TRIM44: variants seen among roughly 807,000 people sequenced by gnomAD.
TRIM44 encodes the protein tripartite motif containing 44.
TRIM44 carries 13 observed loss-of-function variants against 37.4 expected under a neutral mutation model. That is an observed-to-expected ratio of 0.35 (90% confidence interval 0.23 to 0.55). The LOEUF (loss-of-function observed/expected upper bound fraction) is 0.55. Among genes scored for constraint, TRIM44 ranks in the 20% least tolerant of loss-of-function variants. The pLI, the probability that TRIM44 is intolerant of heterozygous loss-of-function variation, is 0.89. For missense variants in TRIM44, 426 were observed against 437.2 expected, an observed-to-expected ratio of 0.97 and a Z score of 0.23; for synonymous variants, 175 against 157.2, an observed-to-expected ratio of 1.11 and a Z score of -0.85.
chr11:35,671,646 G>A (rs1406406663), intron 1 of TRIM44, among the ~76,000 whole-genome samples: 1 of 152,180 alleles, frequency 6.6e-6, no homozygotes, highest in East Asian at 1.9e-4. Context: ...TTCAGAGTAG[G>A]CCAGAATGAG....
chr11:35,725,900 T>G (rs745779752), intron 2 of TRIM44, 24 bp from the exon 3 acceptor site: 261 of 1,609,834 alleles, frequency 1.6e-4, no homozygotes, highest in Non-Finnish European at 2.1e-4. Context: ...CAACTTATTC[T>G]TCTTATTTGT....
At chr11:35,680,820 G>C (rs1851513732) in intron 1 of TRIM44, among the ~76,000 whole-genome samples, 1 of 152,070 alleles carries the variant, frequency 6.6e-6, no homozygotes, top group Admixed American at 6.6e-5. Context: ...CAGGCTGATG[G>C]GTAAGAAATT....
At chr11:35,725,477 G>T (rs551051512) in intron 2 of TRIM44, among the ~76,000 whole-genome samples, 1 of 151,990 alleles carries the variant, frequency 6.6e-6, no homozygotes, top group Non-Finnish European at 1.5e-5. Flanking sequence ...GGGATTACAG[G>T]CACCCACCAC....
intron 2 of TRIM44, among the ~76,000 whole-genome samples, chr11:35,705,391 T>C (rs1851865547): frequency 3.3e-5 from 5 of 152,152 alleles, no homozygotes; most frequent in Admixed American, 2.0e-4. Flanking sequence ...GGAATTGAAC[T>C]CAGCTCTGCA....
intron 4 of TRIM44, among the ~76,000 whole-genome samples, chr11:35,742,676 TTA>T (rs1425233543): frequency 1.6e-5 from 2 of 121,642 alleles, no homozygotes; most frequent in African/African-American, 8.6e-5. Flanking sequence ...ATTAATTGTA[TTA>T]TATATAATTA....
intron 4 of TRIM44, among the ~76,000 whole-genome samples, chr11:35,771,343 T>G (rs1405767788): frequency 6.6e-6 from 1 of 152,204 alleles, no homozygotes; most frequent in South Asian, 2.1e-4. Context: ...TTTGGAACTT[T>G]GAACTTGAGA....
In TRIM44 at chr11:35,748,732, A is replaced by G. The variant is rs550535423; in HGVS notation, c.1007+13287A>G. Reference sequence around the variant, plus strand: ...CAAAATAAAATATCCCGAATGAACAATGTTGGAGAATATCCTTTTCTTTTG... The same window carrying G: ...CAAAATAAAATATCCCGAATGAACAGTGTTGGAGAATATCCTTTTCTTTTG... On this transcript the variant is annotated intron_variant, in intron 4 of 4. Coordinates refer to ENST00000299413, the MANE Select transcript of TRIM44 (RefSeq NM_017583.6). Among the ~76,000 whole-genome samples the G allele has an allele frequency of 6.6e-5, 10 of 152,346 alleles. No homozygotes were observed. In the South Asian group the frequency reaches 8.3e-4, roughly 13 times the overall value.
intron 4 of TRIM44, among the ~76,000 whole-genome samples, chr11:35,804,470 C>T (rs987814357): frequency 3.3e-5 from 5 of 152,142 alleles, no homozygotes; most frequent in South Asian, 4.1e-4. Context: ...GGTCCATGAA[C>T]GTTTAAACTA....
At chr11:35,695,820 A>G (rs925674213) in intron 2 of TRIM44, among the ~76,000 whole-genome samples, 3 of 152,154 alleles carry the variant, frequency 2.0e-5, no homozygotes, top group Admixed American at 2.0e-4. Context: ...TTAGAATTAT[A>G]GAGATCTCGT....
chr11:35,767,111 G>C (rs1294474346), intron 4 of TRIM44, among the ~76,000 whole-genome samples: 1 of 152,154 alleles, frequency 6.6e-6, no homozygotes, highest in African/African-American at 2.4e-5. Context: ...AATGAAAGAC[G>C]TAATGGAAAC....
chr11:35,701,342 T>C (rs965721670), intron 2 of TRIM44, among the ~76,000 whole-genome samples: 4 of 152,160 alleles, frequency 2.6e-5, no homozygotes, highest in Non-Finnish European at 5.9e-5. Context: ...GAATATCTGC[T>C]TGTAATTAAG....
chr11:35,716,585 T>C (rs1852041764), intron 2 of TRIM44, among the ~76,000 whole-genome samples: 1 of 152,224 alleles, frequency 6.6e-6, no homozygotes, highest in Non-Finnish European at 1.5e-5. Flanking sequence ...TATTGCCCAC[T>C]GTTTTTTGCA....
rs182801345 is a variant in TRIM44, at chr11:35,775,336, C to T, written c.1008-31022C>T. Among the ~76,000 whole-genome samples, 222 of 152,278 alleles carry T rather than the reference C, an allele frequency of 1.5e-3. 1 individual carries two copies. The highest frequency in any genetic ancestry group is 3.4e-3 in the Middle Eastern group (1 of 294). On this transcript the variant is annotated intron_variant, in intron 4 of 4. Transcript: ENST00000299413. ...ATTGATTTTGTATCCTGAGACTTTG[C>T]TGAAGTTGCTTATCAGCTTAAGGAG...
At chr11:35,752,557 T>C (rs1852572073) in intron 4 of TRIM44, among the ~76,000 whole-genome samples, 1 of 151,534 alleles carries the variant, frequency 6.6e-6, no homozygotes, top group African/African-American at 2.4e-5. Context: ...CCCAAATATC[T>C]CTCGAGTCAG....
chr11:35,694,591 C>T (rs557090592), intron 2 of TRIM44, among the ~76,000 whole-genome samples: 129 of 151,978 alleles, frequency 8.5e-4, no homozygotes, highest in Non-Finnish European at 1.6e-3. Flanking sequence ...AAAAAATATT[C>T]AAAGATAAGA....
At chr11:35,688,503 A>G (rs1221101941) in intron 2 of TRIM44, among the ~76,000 whole-genome samples, 2 of 152,150 alleles carry the variant, frequency 1.3e-5, no homozygotes, top group Non-Finnish European at 2.9e-5. Flanking sequence ...CCTTCTAGAC[A>G]TTTTTCTATG....
Position 35,815,329 on chromosome 11 carries a change from T to A in TRIM44, c.*8944T>A, listed in dbSNP as rs1022055219. ...ACATTATGAGACCTTTTAGACCCAG[T>A]TGGATGGCTGTATCCTAGTATGAAA... On this transcript the variant is annotated 3_prime_UTR_variant, in exon 5 of 5. Transcript: ENST00000299413. The A allele has an allele frequency of 1.3e-5, 2 of 152,116 alleles. No individual in the cohort carries two copies. The highest frequency in any genetic ancestry group is 1.9e-4 in the East Asian group (1 of 5,192). 9.4% of individuals were successfully genotyped at this position (152,116 alleles called of 1,614,324 possible). A position where few individuals can be genotyped will look rare whatever the true frequency, so the allele number is the denominator to read the frequency against.
intron 4 of TRIM44, among the ~76,000 whole-genome samples, chr11:35,758,506 A>G (rs1033825622): frequency 8.4e-4 from 128 of 152,088 alleles, no homozygotes; most frequent in African/African-American, 3.0e-3. Flanking sequence ...TACATTTAAG[A>G]TTAATATTGT....
chr11:35,672,183 A>G (rs1374505819), intron 1 of TRIM44, among the ~76,000 whole-genome samples: 2 of 152,212 alleles, frequency 1.3e-5, no homozygotes, highest in Non-Finnish European at 2.9e-5. Flanking sequence ...AACACAACCT[A>G]CAGTAGAGGA....
Sources: allele counts gnomAD v4.1 joint callset (sites outside exome capture counted in the v4.1 genomes callset), GRCh38; gene constraint gnomAD v4.1.1; transcripts MANE v1.5; gene names NCBI Gene and HGNC (gene_info 2026-07-23, HGNC 2026-07-21).